Variants in CTDSPL observed in about 807,000 individuals in gnomAD.
CTDSPL encodes CTD small phosphatase-like protein.
A neutral mutation model predicts 30.5 loss-of-function variants in CTDSPL; 8 were observed. The observed-to-expected ratio is 0.26, with a 90% confidence interval of 0.15 to 0.47. The LOEUF (loss-of-function observed/expected upper bound fraction) is 0.47. Among genes scored for constraint, CTDSPL ranks in the 20% least tolerant of loss-of-function variants. The probability of loss-of-function intolerance (pLI) is 0.99; values close to 1 mark genes in which losing one functional copy is unlikely to be tolerated. For synonymous variants in CTDSPL, 110 were observed against 137.9 expected, an observed-to-expected ratio of 0.80 and a Z score of 1.42; for missense variants, 248 against 366.1, an observed-to-expected ratio of 0.68 and a Z score of 2.63.
chr3:37,880,207 A>C (rs1415702187), intron 1 of CTDSPL, among the ~76,000 whole-genome samples: 1 of 151,676 alleles, frequency 6.6e-6, no homozygotes, highest in Non-Finnish European at 1.5e-5. Flanking sequence ...TCCCTTTTAC[A>C]GCTGAGGAAA....
chr3:37,869,906 T>G (rs1698053838), intron 1 of CTDSPL, among the ~76,000 whole-genome samples: 1 of 152,174 alleles, frequency 6.6e-6, no homozygotes, highest in African/African-American at 2.4e-5. Context: ...ATGCGATAGA[T>G]TAAACTGATT....
At chr3:37,948,576 G>A (rs1699069530) in intron 2 of CTDSPL, among the ~76,000 whole-genome samples, 1 of 152,172 alleles carries the variant, frequency 6.6e-6, no homozygotes, top group South Asian at 2.1e-4. Context: ...GAGTGGCTGT[G>A]GGCGGTGGCA....
At chr3:37,928,610 C>T (rs1381363265) in intron 1 of CTDSPL, among the ~76,000 whole-genome samples, 1 of 152,102 alleles carries the variant, frequency 6.6e-6, no homozygotes, top group Non-Finnish European at 1.5e-5. Context: ...GTTTTTTAAT[C>T]AGGTTATTTG....
chr3:37,958,298 G>C (rs1370879932), intron 3 of CTDSPL, among the ~76,000 whole-genome samples: 1 of 152,218 alleles, frequency 6.6e-6, no homozygotes, highest in Non-Finnish European at 1.5e-5. Flanking sequence ...CCATGTGCCT[G>C]AGGGTTGGGT....
Position 37,862,352 on chromosome 3 carries a change from G to A in CTDSPL, c.79+74G>A. The A allele has an allele frequency of 7.9e-7, 1 of 1,269,522 alleles. No individual in the cohort carries two copies. Among genetic ancestry groups the A allele is most frequent in the South Asian group, 1.7e-5 (1 of 59,824 alleles). 78.6% of individuals were successfully genotyped at this position (1,269,522 alleles called of 1,614,324 possible). ...GCGCCGCTGGAGTTCACTGCCGGGC[G>A]CCGGCATGGGCCTGGGGGAGGGGTG... On this transcript the variant is annotated intron_variant, in intron 1 of 7. Transcript: ENST00000273179. The surrounding 1 kb of genome is among the most constrained non-coding windows in gnomAD (Gnocchi z 4.3).
In CTDSPL at chr3:37,931,683, T is replaced by C. The variant is rs112264639; in HGVS notation, c.80-15374T>C. On this transcript the variant is annotated intron_variant, in intron 1 of 7. Coordinates refer to ENST00000273179, the MANE Select transcript of CTDSPL (RefSeq NM_001008392.2). The stretch of plus-strand genomic sequence containing the variant: ...TCTTTTATCTCCTATAGGTATTTTC[T>C]TTGTGGTTACTATAGTGCTTACATG... Among the ~76,000 whole-genome samples, 148 of 152,326 alleles carry C rather than the reference T, an allele frequency of 9.7e-4. 1 individual carries two copies. The highest frequency in any genetic ancestry group is 3.3e-3 in the African/African-American group (139 of 41,588).
At chr3:37,967,590 C>T (rs984095652) in intron 4 of CTDSPL, among the ~76,000 whole-genome samples, 2 of 152,194 alleles carry the variant, frequency 1.3e-5, no homozygotes, top group African/African-American at 4.8e-5. Flanking sequence ...TTGGTTGAGG[C>T]CAGGCAGGTG....
At chr3:37,928,142 G>A (rs73058936) in intron 1 of CTDSPL, among the ~76,000 whole-genome samples, 8,314 of 152,082 alleles carry the variant, frequency 0.055, 344 homozygotes, top group Non-Finnish European at 0.08. Flanking sequence ...CCATTCATCC[G>A]TTAATGGACG....
chr3:37,904,604 A>C (rs983151326), intron 1 of CTDSPL, among the ~76,000 whole-genome samples: 4 of 152,124 alleles, frequency 2.6e-5, no homozygotes, highest in African/African-American at 4.8e-5. Flanking sequence ...CCAGACTGAG[A>C]CTAGACCCTG....
chr3:37,891,903 T>TAC (rs914493429), intron 1 of CTDSPL, among the ~76,000 whole-genome samples: 1 of 151,516 alleles, frequency 6.6e-6, no homozygotes, highest in African/African-American at 2.4e-5. Context: ...TACATACATG[T>TAC]ACACACATAT....
At chr3:37,904,753 A>G (rs1698494661) in intron 1 of CTDSPL, among the ~76,000 whole-genome samples, 1 of 152,182 alleles carries the variant, frequency 6.6e-6, no homozygotes, top group South Asian at 2.1e-4. Flanking sequence ...GTTGCATCAG[A>G]CAGACCTGAT....
chr3:37,905,517 T>C (rs563968889), intron 1 of CTDSPL, among the ~76,000 whole-genome samples: 1 of 152,340 alleles, frequency 6.6e-6, no homozygotes, highest in African/African-American at 2.4e-5. Flanking sequence ...TATTTCTGTA[T>C]GTAAGTAGGC....
At position 37,973,019 on chromosome 3, in the gene CTDSPL, T is replaced by C. The variant is rs1699384719; in HGVS notation, c.519+1520T>C. 1.3e-5 allele frequency among the ~76,000 whole-genome samples: 2 copies of C among 152,244 alleles called. 1 individual carries two copies. Among genetic ancestry groups the C allele is most frequent in the African/African-American group, 4.8e-5 (2 of 41,452 alleles). On this transcript the variant is annotated intron_variant, in intron 6 of 7. Transcript: ENST00000273179. ...CTTTGCTGGCCTGGCCATTGCTGGTTGGGTCCATCTCTGTGATGATTGAGG... is the reference window on the plus strand; with the variant it reads ...CTTTGCTGGCCTGGCCATTGCTGGTCGGGTCCATCTCTGTGATGATTGAGG...
intron 1 of CTDSPL, among the ~76,000 whole-genome samples, chr3:37,873,962 G>A (rs1698104891): frequency 6.6e-6 from 1 of 152,196 alleles, no homozygotes; most frequent in African/African-American, 2.4e-5. Flanking sequence ...CTAATATTCT[G>A]TTTGATTAGC....
At chr3:37,872,453 G>T (rs2125588735) in intron 1 of CTDSPL, among the ~76,000 whole-genome samples, 1 of 147,040 alleles carries the variant, frequency 6.8e-6, no homozygotes, top group Non-Finnish European at 1.5e-5. Context: ...GTTTTGGTTG[G>T]TTTTCTCTGA....
At chr3:37,872,863 G>A (rs1418967085) in intron 1 of CTDSPL, among the ~76,000 whole-genome samples, 2 of 152,124 alleles carry the variant, frequency 1.3e-5, no homozygotes, top group South Asian at 2.1e-4. Flanking sequence ...ATGAGCCACC[G>A]TGCCCAGCCC....
Position 37,982,601 on chromosome 3 carries a change from G to C in CTDSPL, c.*1734G>C, listed in dbSNP as rs767843185. On this transcript the variant is annotated 3_prime_UTR_variant, in exon 8 of 8. Transcript: ENST00000273179. ...AGCTGCCAATTACATCCTCCCAACAGCACTTTGGTCTGTGGACTGCTGTGT... is the reference window on the plus strand; with the variant it reads ...AGCTGCCAATTACATCCTCCCAACACCACTTTGGTCTGTGGACTGCTGTGT... 14 of 456,554 alleles carry C rather than the reference G, an allele frequency of 3.1e-5. No individual in the cohort carries two copies. The highest frequency in any genetic ancestry group is 6.2e-5 in the Non-Finnish European group (14 of 226,984). The allele number at this position is 456,554 out of a possible 1,614,324, so 28.3% of individuals were successfully genotyped here. A position where few individuals can be genotyped will look rare whatever the true frequency, so the allele number is the denominator to read the frequency against.
chr3:37,901,190 C>T (rs772568273), intron 1 of CTDSPL, among the ~76,000 whole-genome samples: 3 of 152,194 alleles, frequency 2.0e-5, no homozygotes, highest in Non-Finnish European at 4.4e-5. Flanking sequence ...GTGCCTGATG[C>T]TCCCAGCTGG....
chr3:37,882,693 A>G (rs964437644), intron 1 of CTDSPL, among the ~76,000 whole-genome samples: 1 of 152,212 alleles, frequency 6.6e-6, no homozygotes, highest in African/African-American at 2.4e-5. Flanking sequence ...CTGCCTTCAC[A>G]TACAGATGAA....
Sources: allele counts gnomAD v4.1 joint callset (sites outside exome capture counted in the v4.1 genomes callset), GRCh38; gene constraint gnomAD v4.1.1; non-coding constraint Gnocchi (gnomAD v3.1); transcripts MANE v1.5; gene names NCBI Gene and HGNC (gene_info 2026-07-23, HGNC 2026-07-21).